The following ESYT2 variants were observed in gnomAD, a reference collection of about 807,000 sequenced individuals.
The protein encoded by ESYT2 is extended synaptotagmin 2, also known as extended synaptotagmin-2.
A neutral mutation model predicts 107.2 loss-of-function variants in ESYT2; 54 were observed. The observed-to-expected ratio is 0.50, with a 90% confidence interval of 0.40 to 0.63. ESYT2 has a LOEUF of 0.63. Among genes scored for constraint, ESYT2 ranks in the 30% least tolerant of loss-of-function variants. The probability of loss-of-function intolerance (pLI) is 0.00; values close to 1 mark genes in which losing one functional copy is unlikely to be tolerated. For missense variants in ESYT2, 1,020 were observed against 1,094.5 expected (o/e 0.93, Z 0.96); for synonymous variants, 491 against 434.1 (o/e 1.13, Z -1.63).
At chr7:158,740,189 A>G (rs946570063) in intron 18 of ESYT2, among the ~76,000 whole-genome samples, 1 of 152,166 alleles carries the variant, frequency 6.6e-6, no homozygotes, top group South Asian at 2.1e-4. Flanking sequence ...GCTGTTCTAG[A>G]GAGGCTGGGC....
At chr7:158,782,301 T>A (rs1838894544) in intron 6 of ESYT2, among the ~76,000 whole-genome samples, 1 of 121,668 alleles carries the variant, frequency 8.2e-6, no homozygotes. Flanking sequence ...GTGAAACAAG[T>A]GAACAAGTGT....
intron 1 of ESYT2, among the ~76,000 whole-genome samples, chr7:158,826,996 C>G (rs546479379): frequency 6.6e-6 from 1 of 150,612 alleles, no homozygotes; most frequent in East Asian, 2.0e-4. Flanking sequence ...AACCCTGTTT[C>G]TACTAAAAAT....
intron 18 of ESYT2, 112 bp from the exon 19 acceptor site, chr7:158,739,233 T>A: frequency 1.2e-6 from 1 of 861,256 alleles, no homozygotes; most frequent in Non-Finnish European, 1.8e-6. Flanking sequence ...CAAAAAGAAG[T>A]CAAATTACCC....
At chr7:158,737,557 G>C (rs1837011357) in intron 19 of ESYT2, among the ~76,000 whole-genome samples, 2 of 152,114 alleles carry the variant, frequency 1.3e-5, no homozygotes, top group South Asian at 4.1e-4. Context: ...TCCAGAAGGG[G>C]GCTGCTCCTT....
In ESYT2 at chr7:158,743,676, G is replaced by A. The variant is rs1266114105; in HGVS notation, c.1647C>T (p.Val549=). Residue 549 remains valine, a splice_region_variant and synonymous_variant, in exon 17 of 23, where the codon GTC becomes GTT. Transcript: ENST00000275418. ...GGGAACACTGGTGCTGCTCGTCTCTGACCTGCAAAACACAGGGTGGAAACA... is the reference window on the plus strand; with the variant it reads ...GGGAACACTGGTGCTGCTCGTCTCTAACCTGCAAAACACAGGGTGGAAACA... ...NPKRQDLEVE[V]RDEQHQCSLG... is the part of the protein sequence containing the mutation. 1 of 1,607,968 alleles carries A rather than the reference G, an allele frequency of 6.2e-7. No individual in the cohort carries two copies. The highest frequency in any genetic ancestry group is 8.5e-7 in the Non-Finnish European group (1 of 1,178,420).
intron 6 of ESYT2, among the ~76,000 whole-genome samples, chr7:158,777,367 G>C (rs1249899163): frequency 1.3e-5 from 2 of 152,144 alleles, no homozygotes; most frequent in Non-Finnish European, 2.9e-5. Flanking sequence ...GATATGGTTT[G>C]GCTCTGTGTC....
intron 1 of ESYT2, among the ~76,000 whole-genome samples, chr7:158,827,171 A>AG (rs1461245826): frequency 2.6e-5 from 4 of 151,854 alleles, no homozygotes; most frequent in African/African-American, 9.7e-5. Context: ...TCAAAAAAAA[A>AG]AAAAAAAGAA....
intron 16 of ESYT2, among the ~76,000 whole-genome samples, chr7:158,745,006 C>G (rs181394780): frequency 9.9e-5 from 15 of 152,284 alleles, no homozygotes; most frequent in African/African-American, 3.4e-4. Context: ...GAAAAACCAG[C>G]TAGACAAAAC....
At chr7:158,747,707 C>T (rs754751632) in intron 16 of ESYT2, among the ~76,000 whole-genome samples, 2 of 152,178 alleles carry the variant, frequency 1.3e-5, no homozygotes, top group Non-Finnish European at 2.9e-5. Context: ...TTTTACCCAA[C>T]AGAATGAAGG....
intron 7 of ESYT2, among the ~76,000 whole-genome samples, chr7:158,768,567 G>C (rs550663055): frequency 6.6e-6 from 1 of 152,054 alleles, no homozygotes; most frequent in African/African-American, 2.4e-5. Context: ...TTACAGGCGC[G>C]CACCACCACG....
intron 3 of ESYT2, among the ~76,000 whole-genome samples, chr7:158,797,407 C>T (rs566962448): frequency 2.1e-4 from 32 of 152,166 alleles, no homozygotes; most frequent in African/African-American, 7.5e-4. Context: ...GCTGGGGTCA[C>T]AAGCATGAGC....
intron 7 of ESYT2, among the ~76,000 whole-genome samples, chr7:158,772,414 A>T (rs1473890614): frequency 6.6e-6 from 1 of 152,182 alleles, no homozygotes; most frequent in Admixed American, 6.5e-5. Context: ...ATATGAGAAT[A>T]AAAAAATAGT....
Position 158,759,562 on chromosome 7 carries a change from G to T in ESYT2, c.1343C>A (p.Ala448Asp), listed in dbSNP as rs1365272170. Residue 448 changes from alanine (A) to aspartate (D), a missense_variant, in exon 13 of 23, where the codon GCT becomes GAT. By Grantham distance (126) the Ala-to-Asp change is moderately radical. Transcript: ENST00000275418. Reference protein sequence around the residue: ...NLDKVLTDIKADKDQANDGLS... With the variant: ...NLDKVLTDIKDDKDQANDGLS... ...ACCATCGTTGGCTTGGTCTTTGTCAGCTTTGATGTCTGTTAGCACCTAAAA... is the reference window on the plus strand; with the variant it reads ...ACCATCGTTGGCTTGGTCTTTGTCATCTTTGATGTCTGTTAGCACCTAAAA... 2 of 1,611,950 alleles carry T rather than the reference G, an allele frequency of 1.2e-6. No individual in the cohort carries two copies. The highest frequency in any genetic ancestry group is 1.1e-5 in the South Asian group (1 of 90,986).
At position 158,787,977 on chromosome 7, in the gene ESYT2, A is replaced by G. The variant is rs372343039; in HGVS notation, c.747+27T>C. The stretch of plus-strand genomic sequence containing the variant: ...TGTATTTTTGCCACCAAATGGGAAA[A>G]TAAAAATGAAATAAATATTGACTTA... On this transcript the variant is annotated intron_variant, in intron 6 of 22. Transcript: ENST00000275418. The G allele has an allele frequency of 3.9e-4, 626 of 1,591,232 alleles. 1 individual carries two copies. The highest frequency in any genetic ancestry group is 4.8e-4 in the Non-Finnish European group (556 of 1,160,180).
At chr7:158,812,192 G>A (rs1037379257) in intron 1 of ESYT2, among the ~76,000 whole-genome samples, 11 of 152,222 alleles carry the variant, frequency 7.2e-5, no homozygotes, top group Non-Finnish European at 1.5e-4. Flanking sequence ...CCCCTCTGGA[G>A]GAGTACATGC....
intron 13 of ESYT2, 58 bp downstream of exon 13, chr7:158,759,428 A>T: frequency 7.3e-7 from 1 of 1,369,454 alleles, no homozygotes; most frequent in Non-Finnish European, 1.0e-6. Flanking sequence ...CAGTGGTTAT[A>T]AGCAAGAGCA....
At chr7:158,741,045 T>C (rs1837179525) in intron 18 of ESYT2, among the ~76,000 whole-genome samples, 1 of 152,038 alleles carries the variant, frequency 6.6e-6, no homozygotes. Flanking sequence ...TCATGGGGCT[T>C]AAATAAGGAG....
intron 13 of ESYT2, 122 bp downstream of exon 13, chr7:158,759,364 G>T: frequency 1.4e-6 from 1 of 717,892 alleles, no homozygotes; most frequent in Non-Finnish European, 2.3e-6. Flanking sequence ...GCACTTGGAC[G>T]TGAAGTGAAA....
intron 1 of ESYT2, among the ~76,000 whole-genome samples, chr7:158,815,398 G>C (rs1009007659): frequency 5.3e-5 from 8 of 152,090 alleles, no homozygotes; most frequent in Non-Finnish European, 1.2e-4. Flanking sequence ...CCCTGGGGTG[G>C]TTGTTCACAT....
Sources: allele counts gnomAD v4.1 joint callset (sites outside exome capture counted in the v4.1 genomes callset), GRCh38; gene constraint gnomAD v4.1.1; transcripts MANE v1.5; gene names NCBI Gene and HGNC (gene_info 2026-07-23, HGNC 2026-07-21).